The following TAFA2 variants were observed in gnomAD, a reference collection of about 807,000 sequenced individuals.
TAFA2 encodes the protein chemokine-like protein TAFA-2.
Under a neutral mutation model 18.8 loss-of-function variants are expected in TAFA2, and 7 were observed. That is an observed-to-expected ratio of 0.37 (90% CI 0.21 to 0.70). The LOEUF (loss-of-function observed/expected upper bound fraction) is 0.70. Ranked by LOEUF, TAFA2 falls within the 30% of genes least tolerant of loss-of-function variation. TAFA2 has a pLI of 0.53. For synonymous variants in TAFA2, 60 were observed against 54.2 expected (o/e 1.11, Z -0.47); for missense variants, 122 against 158.1 (o/e 0.77, Z 1.23).
chr12:62,055,278 T>C (rs1479208166), intron 1 of TAFA2, among the ~76,000 whole-genome samples: 1 of 152,152 alleles, frequency 6.6e-6, no homozygotes, highest in East Asian at 1.9e-4. Context: ...TGTATTTTGT[T>C]ACAAAATCCC....
At chr12:61,776,804 A>G (rs1413343933) in intron 2 of TAFA2, among the ~76,000 whole-genome samples, 2 of 151,908 alleles carry the variant, frequency 1.3e-5, no homozygotes, top group Admixed American at 6.6e-5. Flanking sequence ...TATGTATACT[A>G]TCTAAACCCT....
chr12:61,860,194 G>A (rs1874069485), intron 2 of TAFA2, among the ~76,000 whole-genome samples: 1 of 152,048 alleles, frequency 6.6e-6, no homozygotes, highest in Non-Finnish European at 1.5e-5. Context: ...TTTCTGCATG[G>A]AAAAATTATG....
At chr12:61,905,180 T>TGA in intron 1 of TAFA2, among the ~76,000 whole-genome samples, 1 of 144,018 alleles carries the variant, frequency 6.9e-6, no homozygotes. Context: ...ATTATACTCC[T>TGA]ATGGTGTAAA....
chr12:62,226,355 G>A (rs1424008704), intron 1 of TAFA2, among the ~76,000 whole-genome samples: 1 of 152,004 alleles, frequency 6.6e-6, no homozygotes, highest in Non-Finnish European at 1.5e-5. Context: ...CACCACGCCT[G>A]GCTAATTTTG....
intron 1 of TAFA2, among the ~76,000 whole-genome samples, chr12:62,075,190 T>C (rs1882730561): frequency 6.6e-6 from 1 of 152,236 alleles, no homozygotes; most frequent in Non-Finnish European, 1.5e-5. Flanking sequence ...TGCTAGGCAC[T>C]ATTTATATAT....
intron 1 of TAFA2, among the ~76,000 whole-genome samples, chr12:62,036,921 T>C (rs1372984676): frequency 1.3e-5 from 2 of 152,244 alleles, no homozygotes; most frequent in Non-Finnish European, 2.9e-5. Context: ...CAGTTCCTTC[T>C]GCTTTTTAGG....
intron 1 of TAFA2, among the ~76,000 whole-genome samples, chr12:62,039,609 C>T (rs1881704847): frequency 6.6e-6 from 1 of 152,152 alleles, no homozygotes; most frequent in Non-Finnish European, 1.5e-5. Flanking sequence ...AATGTTACAT[C>T]ACCTCAATAT....
intron 2 of TAFA2, among the ~76,000 whole-genome samples, chr12:61,849,901 T>C (rs1229235566): frequency 1.3e-5 from 2 of 152,190 alleles, no homozygotes; most frequent in Non-Finnish European, 2.9e-5. Context: ...ATTATATTAG[T>C]TCCTCCAAGT....
chr12:62,025,608 G>T (rs1044207237), intron 1 of TAFA2, among the ~76,000 whole-genome samples: 1 of 151,812 alleles, frequency 6.6e-6, no homozygotes, highest in African/African-American at 2.4e-5. Context: ...AAGCAGAGTG[G>T]GTAAAATTTA....
chr12:61,948,578 C>T (rs1878359697), intron 1 of TAFA2, among the ~76,000 whole-genome samples: 1 of 151,936 alleles, frequency 6.6e-6, no homozygotes, highest in South Asian at 2.1e-4. Context: ...ACAAAACTGG[C>T]AGAACAAAGT....
intron 1 of TAFA2, among the ~76,000 whole-genome samples, chr12:62,131,809 A>G (rs1389057446): frequency 6.6e-6 from 1 of 151,934 alleles, no homozygotes; most frequent in Non-Finnish European, 1.5e-5. Flanking sequence ...TCACTGTTCA[A>G]CCTATTAAAT....
intron 1 of TAFA2, among the ~76,000 whole-genome samples, chr12:61,940,515 A>T (rs931822187): frequency 3.9e-5 from 6 of 152,238 alleles, no homozygotes; most frequent in Non-Finnish European, 7.3e-5. Flanking sequence ...TACTCTGCAC[A>T]AATCTGATTC....
chr12:62,092,903 A>G (rs1014905862), intron 1 of TAFA2, among the ~76,000 whole-genome samples: 7 of 151,982 alleles, frequency 4.6e-5, no homozygotes, highest in Admixed American at 2.6e-4. Context: ...ATCCCATATA[A>G]TTTTTAAACC....
chr12:61,912,964 T>C (rs1258280790), intron 1 of TAFA2, among the ~76,000 whole-genome samples: 2 of 152,174 alleles, frequency 1.3e-5, no homozygotes, highest in Non-Finnish European at 2.9e-5. Context: ...ACACTGGGTA[T>C]ATAAATGAGA....
At chr12:61,865,869 A>C (rs11174206) in intron 2 of TAFA2, among the ~76,000 whole-genome samples, 3,377 of 152,222 alleles carry the variant, frequency 0.022, 137 homozygotes, top group African/African-American at 0.077. Context: ...AGGGGCACTA[A>C]GGTGACCAAC....
At chr12:62,081,461 G>GT (rs149474475) in intron 1 of TAFA2, among the ~76,000 whole-genome samples, 3,832 of 149,292 alleles carry the variant, frequency 0.026, 151 homozygotes, top group African/African-American at 0.085. Flanking sequence ...TCTTCAACTT[G>GT]TTTTTTTTGT....
At chr12:62,180,542 T>C (rs74738605) in intron 1 of TAFA2, among the ~76,000 whole-genome samples, 2 of 152,320 alleles carry the variant, frequency 1.3e-5, no homozygotes, top group East Asian at 1.9e-4. Context: ...TCTAATAAAC[T>C]GAACTTTTTC....
intron 2 of TAFA2, among the ~76,000 whole-genome samples, chr12:61,758,708 G>T (rs190667360): frequency 6.6e-5 from 10 of 152,146 alleles, no homozygotes; most frequent in Non-Finnish European, 1.3e-4. Context: ...GATGCACACT[G>T]TGAATTGCAG....
At chr12:62,238,285 CA>C (rs1260789299) in intron 1 of TAFA2, among the ~76,000 whole-genome samples, 7 of 152,236 alleles carry the variant, frequency 4.6e-5, no homozygotes, top group African/African-American at 1.7e-4. Context: ...ATCTCAGCCC[CA>C]AATTTAAATT....
Sources: gnomAD v4.1 joint callset for allele counts (sites outside exome capture counted in the v4.1 genomes callset) on GRCh38, gnomAD v4.1.1 for gene constraint, MANE v1.5 for transcripts, NCBI Gene and HGNC (gene_info 2026-07-23, HGNC 2026-07-21) for gene names.